Variants in BBS9 observed in about 807,000 individuals in gnomAD.
BBS9 encodes the protein protein PTHB1.
BBS9 carries 89 observed loss-of-function variants against 117.7 expected under a neutral mutation model. The observed-to-expected ratio is 0.76, with a 90% CI of 0.64 to 0.90. The LOEUF (loss-of-function observed/expected upper bound fraction) is 0.90. Ranked by LOEUF, BBS9 falls within the 40% of genes least tolerant of loss-of-function variation. The pLI, the probability that BBS9 is intolerant of heterozygous loss-of-function variation, is 0.00. For missense variants in BBS9, 982 were observed against 1,042.2 expected (o/e 0.94, Z 0.80); for synonymous variants, 379 against 370.9 (o/e 1.02, Z -0.25).
chr7:33,425,232 G>C (rs1051365500), intron 19 of BBS9, among the ~76,000 whole-genome samples: 2 of 152,070 alleles, frequency 1.3e-5, no homozygotes, highest in African/African-American at 4.8e-5. Flanking sequence ...CCCATTGTTA[G>C]TCTTTCTACT....
intron 9 of BBS9, among the ~76,000 whole-genome samples, chr7:33,290,813 A>G (rs2128399295): frequency 6.6e-6 from 1 of 152,326 alleles, no homozygotes; most frequent in East Asian, 1.9e-4. Context: ...TTACTTTTTA[A>G]GTAAGGAGTA....
At chr7:33,543,085 G>C (rs1420066161) in intron 21 of BBS9, among the ~76,000 whole-genome samples, 1 of 152,064 alleles carries the variant, frequency 6.6e-6, no homozygotes, top group Admixed American at 6.5e-5. Context: ...CAGCAGTGTA[G>C]AAGTGTTCCC....
intron 21 of BBS9, among the ~76,000 whole-genome samples, chr7:33,552,276 G>A (rs1453386791): frequency 6.6e-6 from 1 of 152,098 alleles, no homozygotes; most frequent in Non-Finnish European, 1.5e-5. Context: ...TAATACAATT[G>A]GAACACAGAA....
intron 15 of BBS9, among the ~76,000 whole-genome samples, chr7:33,356,982 T>C (rs1819716757): frequency 6.6e-6 from 1 of 151,880 alleles, no homozygotes; most frequent in South Asian, 2.1e-4. Context: ...AACAGAGTTC[T>C]AGAAAAAAGG....
Position 33,546,259 on chromosome 7 carries a change from A to G in BBS9, c.2521+12083A>G, listed in dbSNP as rs544317213. On this transcript the variant is annotated intron_variant, in intron 21 of 22. Transcript: ENST00000242067. ...ATAATCCATTTTTTAAACTTTCATT[A>G]GGTTATTTCATTATTAAATAGCATA... is the stretch of plus-strand genomic sequence containing the variant. Among the ~76,000 whole-genome samples the G allele has an allele frequency of 3.3e-5, 5 of 152,188 alleles. No homozygotes were observed. The East Asian group carries it at 9.7e-4, about 29-fold the overall frequency.
At position 33,219,961 on chromosome 7, in the gene BBS9, G is replaced by T. The variant is rs536185786; in HGVS notation, c.443-37275G>T. Among the ~76,000 whole-genome samples the T allele has an allele frequency of 7.2e-5, 11 of 152,280 alleles. No individual in the cohort carries two copies. The South Asian group carries it at 2.3e-3, about 32-fold the overall frequency. Reference sequence around the variant, plus strand: ...TGCAGCTTCACTCCTGAGCTAGCGAGACCATGAACCCACCAGAAGGAAGAA... The same window carrying T: ...TGCAGCTTCACTCCTGAGCTAGCGATACCATGAACCCACCAGAAGGAAGAA... On this transcript the variant is annotated intron_variant, in intron 5 of 22. Transcript: ENST00000242067.
chr7:33,451,312 A>G (rs1380017529), intron 19 of BBS9, among the ~76,000 whole-genome samples: 2 of 152,198 alleles, frequency 1.3e-5, no homozygotes, highest in African/African-American at 4.8e-5. Flanking sequence ...GTTTTCTTCT[A>G]AAAATTATAG....
chr7:33,267,733 A>C (rs1053528096), intron 7 of BBS9, among the ~76,000 whole-genome samples: 13 of 152,164 alleles, frequency 8.5e-5, no homozygotes, highest in Non-Finnish European at 1.9e-4. Flanking sequence ...ATAAATAATC[A>C]ATTATATTTT....
intron 19 of BBS9, among the ~76,000 whole-genome samples, chr7:33,504,349 G>A (rs1014802412): frequency 2.0e-5 from 3 of 152,080 alleles, no homozygotes; most frequent in Non-Finnish European, 2.9e-5. Flanking sequence ...CAGTATCTCC[G>A]AGACACTCTG....
At chr7:33,585,011 C>T (rs1399050032) in intron 21 of BBS9, among the ~76,000 whole-genome samples, 1 of 152,074 alleles carries the variant, frequency 6.6e-6, no homozygotes, top group Non-Finnish European at 1.5e-5. Context: ...TTTTCCTCAA[C>T]AGAATTGGTA....
intron 19 of BBS9, among the ~76,000 whole-genome samples, chr7:33,429,422 T>G (rs1448379343): frequency 6.6e-6 from 1 of 152,220 alleles, no homozygotes; most frequent in East Asian, 1.9e-4. Context: ...ACATCATTTA[T>G]TTTTATTCTT....
chr7:33,563,217 A>G (rs753149510), intron 21 of BBS9, among the ~76,000 whole-genome samples: 3 of 152,200 alleles, frequency 2.0e-5, no homozygotes, highest in Non-Finnish European at 4.4e-5. Flanking sequence ...TTGCTAGAAT[A>G]TGTGTAGGCA....
intron 4 of BBS9, among the ~76,000 whole-genome samples, chr7:33,167,261 A>T (rs922911510): frequency 6.6e-6 from 1 of 152,200 alleles, no homozygotes; most frequent in African/African-American, 2.4e-5. Context: ...GTTCGTTCAC[A>T]TTGTATATAT....
intron 19 of BBS9, among the ~76,000 whole-genome samples, chr7:33,487,817 A>G (rs1843323457): frequency 6.6e-6 from 1 of 152,132 alleles, no homozygotes; most frequent in Admixed American, 6.5e-5. Flanking sequence ...TGAGAAATGT[A>G]AGGTTGAGGC....
At position 33,534,077 on chromosome 7, in the gene BBS9, C is replaced by G; in HGVS notation, c.2422C>G (p.Leu808Val). Residue 808 changes from leucine (L) to valine (V), a missense_variant, in exon 21 of 23, where the codon CTG (leucine) becomes GTG (valine). Leu to Val is a conservative substitution (Grantham distance 32). Transcript: ENST00000242067. ...GAACATACCCAAAGACACAAGCCAACTGAAGAAACATATCACCTTGCTCTG... is the reference window on the plus strand; with the variant it reads ...GAACATACCCAAAGACACAAGCCAAGTGAAGAAACATATCACCTTGCTCTG... ...QLNIPKDTSQ[L>V]KKHITLLCDR... is the part of the protein sequence containing the mutation. 4 of 1,614,220 alleles carry G rather than the reference C, an allele frequency of 2.5e-6. No homozygotes were observed. Among genetic ancestry groups the G allele is most frequent in the Non-Finnish European group, 3.4e-6 (4 of 1,180,034 alleles).
At chr7:33,351,566 C>T in intron 14 of BBS9, 2 of 486,368 alleles carry the variant, frequency 4.1e-6, no homozygotes, top group Non-Finnish European at 7.5e-6. Context: ...AAATCTGATA[C>T]ATTTTTATTC....
chr7:33,569,367 G>A (rs1857399538), intron 21 of BBS9, among the ~76,000 whole-genome samples: 1 of 151,524 alleles, frequency 6.6e-6, no homozygotes. Context: ...TCAATCAGAG[G>A]TTGTAGTATG....
chr7:33,293,956 T>C (rs2128406877), intron 9 of BBS9, among the ~76,000 whole-genome samples: 1 of 152,320 alleles, frequency 6.6e-6, no homozygotes, highest in Non-Finnish European at 1.5e-5. Context: ...TTACTTCATT[T>C]CTCAGTGGAG....
At position 33,255,347 on chromosome 7, in the gene BBS9, C is replaced by CTTT. The variant is rs34214619; in HGVS notation, c.443-1875_443-1873dup. Among the ~76,000 whole-genome samples the CTTT allele has an allele frequency of 3.0e-3, 398 of 133,994 alleles. 3 individuals are homozygous for CTTT. The highest frequency in any genetic ancestry group is 0.01 in the South Asian group (42 of 4,148). The allele number at this position is 133,994 out of a possible 152,430, so 87.9% of individuals were successfully genotyped here. On this transcript the variant is annotated intron_variant, in intron 5 of 22. Coordinates refer to ENST00000242067, the MANE Select transcript of BBS9 (RefSeq NM_198428.3). ...TGGTTGTATAGTGTAAGATAAGGAT[C>CTTT]TTTTTTTTTTTTTTTTGCATGTGGA...
Sources: gnomAD v4.1 joint callset for allele counts (sites outside exome capture counted in the v4.1 genomes callset) on GRCh38, gnomAD v4.1.1 for gene constraint, MANE v1.5 for transcripts, NCBI Gene and HGNC (gene_info 2026-07-23, HGNC 2026-07-21) for gene names.